Variants in FOXN3 observed in about 807,000 individuals in gnomAD.
FOXN3 encodes forkhead box protein N3.
FOXN3 carries 7 observed loss-of-function variants against 38.4 expected under a neutral mutation model. That is an observed-to-expected ratio of 0.18 (90% CI 0.10 to 0.34). FOXN3 has a LOEUF of 0.34. Among genes scored for constraint, FOXN3 ranks in the 10% least tolerant of loss-of-function variants. The probability of loss-of-function intolerance (pLI) is 1.00; values close to 1 mark genes in which losing one functional copy is unlikely to be tolerated. For synonymous variants in FOXN3, 230 were observed against 242.2 expected (o/e 0.95, Z 0.47); for missense variants, 456 against 613.4 (o/e 0.74, Z 2.71).
intron 1 of FOXN3, among the ~76,000 whole-genome samples, chr14:89,579,748 T>C (rs993868124): frequency 6.6e-6 from 1 of 152,174 alleles, no homozygotes; most frequent in South Asian, 2.1e-4. Flanking sequence ...CCTTACCAAA[T>C]GGTTCAACTA....
At chr14:89,385,499 T>TAAAAAAAAAAAA (rs10681650) in intron 2 of FOXN3, among the ~76,000 whole-genome samples, 2 of 108,814 alleles carry the variant, frequency 1.8e-5, no homozygotes, top group Non-Finnish European at 3.7e-5. Context: ...GGCAAACATT[T>TAAAAAAAAAAAA]AAAAAAAAAA....
At chr14:89,295,232 C>G (rs1886998785) in intron 3 of FOXN3, among the ~76,000 whole-genome samples, 1 of 152,204 alleles carries the variant, frequency 6.6e-6, no homozygotes, top group Non-Finnish European at 1.5e-5. Flanking sequence ...TAATGTTCAA[C>G]TCGAATCCCA....
At chr14:89,284,636 G>C (rs1216959485) in intron 3 of FOXN3, 1 of 451,892 alleles carries the variant, frequency 2.2e-6, no homozygotes, top group African/African-American at 2.0e-5. Flanking sequence ...GCTCCTATTA[G>C]CAGAAACAAT....
At chr14:89,586,273 AG>A (rs1050581197) in intron 1 of FOXN3, among the ~76,000 whole-genome samples, 6 of 152,200 alleles carry the variant, frequency 3.9e-5, no homozygotes, top group African/African-American at 1.4e-4. Flanking sequence ...AAATGAAAGC[AG>A]GATGTAAGAA....
At chr14:89,200,033 G>A (rs1457533833) in intron 4 of FOXN3, among the ~76,000 whole-genome samples, 1 of 152,140 alleles carries the variant, frequency 6.6e-6, no homozygotes, top group Non-Finnish European at 1.5e-5. Flanking sequence ...GATACCCAAC[G>A]GATGACTGTG....
intron 1 of FOXN3, among the ~76,000 whole-genome samples, chr14:89,479,497 A>C (rs1893279717): frequency 6.6e-6 from 1 of 152,100 alleles, no homozygotes; most frequent in African/African-American, 2.4e-5. Context: ...CCAGAATCCC[A>C]GAGCTGTAGT....
At chr14:89,581,912 T>C (rs930594356) in intron 1 of FOXN3, among the ~76,000 whole-genome samples, 5 of 152,060 alleles carry the variant, frequency 3.3e-5, no homozygotes, top group Non-Finnish European at 7.3e-5. Flanking sequence ...GGGGTTGACT[T>C]CTAGGTATCT....
chr14:89,590,083 A>G, intron 1 of FOXN3, among the ~76,000 whole-genome samples: 1 of 152,176 alleles, frequency 6.6e-6, no homozygotes, highest in East Asian at 1.9e-4. Context: ...ATATGGCACC[A>G]AGTCGATGTT....
chr14:89,287,974 C>T (rs1043044082), intron 3 of FOXN3, among the ~76,000 whole-genome samples: 4 of 151,946 alleles, frequency 2.6e-5, no homozygotes, highest in African/African-American at 7.3e-5. Flanking sequence ...GTGGGTGGAT[C>T]GCTTGAGCCC....
chr14:89,511,384 C>A (rs932333352), intron 1 of FOXN3, among the ~76,000 whole-genome samples: 5 of 150,660 alleles, frequency 3.3e-5, no homozygotes, highest in Non-Finnish European at 7.4e-5. Context: ...GCCTCAACCT[C>A]TGGGCTCAAG....
At chr14:89,327,160 A>G (rs1888108672) in intron 3 of FOXN3, among the ~76,000 whole-genome samples, 1 of 152,208 alleles carries the variant, frequency 6.6e-6, no homozygotes, top group African/African-American at 2.4e-5. Context: ...TTATTATGAC[A>G]TGCAGTGAGA....
intron 1 of FOXN3, among the ~76,000 whole-genome samples, chr14:89,474,721 A>T (rs545475322): frequency 2.4e-4 from 36 of 152,340 alleles, no homozygotes; most frequent in East Asian, 9.6e-4. Context: ...TCTCGGGTAG[A>T]AGAGCCAAGA....
intron 1 of FOXN3, among the ~76,000 whole-genome samples, chr14:89,562,881 C>A (rs756811262): frequency 6.6e-6 from 1 of 152,160 alleles, no homozygotes; most frequent in Non-Finnish European, 1.5e-5. Context: ...GAGCCAAAAT[C>A]AACACTGCTG....
At chr14:89,185,547 G>A (rs1221739877) in intron 4 of FOXN3, 1 of 152,244 alleles carries the variant, frequency 6.6e-6, no homozygotes, top group African/African-American at 2.4e-5. Context: ...CTGATGTACT[G>A]AAGTGCACTG....
rs889939839 is a variant in FOXN3, at chr14:89,157,988, G to T, written c.*4426C>A. The T allele has an allele frequency of 1.3e-5, 2 of 152,688 alleles. No individual in the cohort carries two copies. Among genetic ancestry groups the T allele is most frequent in the African/African-American group, 2.4e-5 (1 of 41,566 alleles). 9.5% of individuals were successfully genotyped at this position (152,688 alleles called of 1,614,324 possible). On this transcript the variant is annotated 3_prime_UTR_variant, in exon 6 of 6. Coordinates refer to ENST00000557258, the MANE Select transcript of FOXN3 (RefSeq NM_005197.4). ...ACATAAAAATCAATTGCAACATCTGGGCAGCTGTGATCCACCAGAAAGAAA... is the reference window on the plus strand; with the variant it reads ...ACATAAAAATCAATTGCAACATCTGTGCAGCTGTGATCCACCAGAAAGAAA...
rs556140818 is a variant in FOXN3, at chr14:89,408,907, T to C, written c.543+3027A>G. Among the ~76,000 whole-genome samples the C allele has an allele frequency of 2.6e-5, 4 of 152,080 alleles. No individual in the cohort carries two copies. In the South Asian group the frequency reaches 6.2e-4, roughly 24 times the overall value. ...TCATAGGAAAAAACAAGTTTACCCATAGAGCTAAAGGAGCTTTCACTGGGC... is the reference window on the plus strand; with the variant it reads ...TCATAGGAAAAAACAAGTTTACCCACAGAGCTAAAGGAGCTTTCACTGGGC... On this transcript the variant is annotated intron_variant, in intron 2 of 5. Coordinates refer to ENST00000557258, the MANE Select transcript of FOXN3 (RefSeq NM_005197.4).
intron 2 of FOXN3, among the ~76,000 whole-genome samples, chr14:89,370,853 C>G (rs17125772): frequency 0.12 from 17,600 of 152,152 alleles, 1,274 homozygotes; most frequent in East Asian, 0.24. Context: ...GTGGTTACCC[C>G]CTTTAAGTAC....
At chr14:89,526,393 T>A (rs1178040070) in intron 1 of FOXN3, among the ~76,000 whole-genome samples, 2 of 152,148 alleles carry the variant, frequency 1.3e-5, no homozygotes, top group Non-Finnish European at 2.9e-5. Context: ...ATCCTAGAAC[T>A]AGTAAGTGAG....
At chr14:89,558,432 G>T (rs76683298) in intron 1 of FOXN3, among the ~76,000 whole-genome samples, 2,099 of 152,294 alleles carry the variant, frequency 0.014, 42 homozygotes, top group African/African-American at 0.048. Context: ...TGTGGGGCAG[G>T]TATTAAGAAG....
Sources: gnomAD v4.1 joint callset for allele counts (sites outside exome capture counted in the v4.1 genomes callset) on GRCh38, gnomAD v4.1.1 for gene constraint, MANE v1.5 for transcripts, NCBI Gene and HGNC (gene_info 2026-07-23, HGNC 2026-07-21) for gene names.